ODR4: variants seen among roughly 807,000 people sequenced by gnomAD.
The protein encoded by ODR4 is odr-4 GPCR localization factor homolog, also known as protein odr-4 homolog.
In ODR4, 47 loss-of-function variants were observed where a neutral mutation model predicts 60.2. The observed-to-expected ratio is 0.78, with a 90% CI of 0.62 to 1.00. ODR4 has a LOEUF of 1.00. ODR4 is among the 50% of genes least tolerant of loss of function. ODR4 has a pLI of 0.00. For missense variants in ODR4, 488 were observed against 530.8 expected, an observed-to-expected ratio of 0.92 and a Z score of 0.79; for synonymous variants, 178 against 175.5, an observed-to-expected ratio of 1.01 and a Z score of -0.11.
Position 186,379,847 on chromosome 1 carries a change from A to T in ODR4, c.62A>T (p.Gln21Leu), listed in dbSNP as rs1659958268. The T allele has an allele frequency of 1.9e-6, 3 of 1,609,282 alleles. No individual in the cohort carries two copies. The highest frequency in any genetic ancestry group is 2.5e-6 in the Non-Finnish European group (3 of 1,177,822). The change falls in exon 2 of 14, where the codon CAA becomes CTA. Residue 21 changes from glutamine to leucine, a missense_variant. Gln to Leu is a moderately radical substitution (Grantham distance 113). Coordinates refer to ENST00000287859, the MANE Select transcript of ODR4 (RefSeq NM_017847.6). The stretch of plus-strand genomic sequence containing the variant: ...CAGTATCTTTCAAACATAAATCTCC[A>T]AGGAAAGGCTTTTGTCTCTGGCCTT... ...VGQYLSNINL[Q>L]GKAFVSGLLI...
chr1:186,430,075 T>C, the ODR4 span, among the ~76,000 whole-genome samples: 3 of 152,096 alleles, frequency 2.0e-5, no homozygotes, highest in Non-Finnish European at 4.4e-5. Context: ...AGTTTTGTAT[T>C]GTATGTAGGG....
chr1:186,384,447 TA>T (rs1660167968), intron 3 of ODR4, among the ~76,000 whole-genome samples: 1 of 152,132 alleles, frequency 6.6e-6, no homozygotes, highest in African/African-American at 2.4e-5. Context: ...ACATGGTGTT[TA>T]AGGGGACAAA....
downstream of ODR4, among the ~76,000 whole-genome samples, chr1:186,423,750 C>T (rs1199657538): frequency 2.0e-5 from 3 of 151,890 alleles, no homozygotes; most frequent in South Asian, 4.2e-4. Context: ...CCACTGCACC[C>T]GGCCACCACT....
the ODR4 span, among the ~76,000 whole-genome samples, chr1:186,430,655 T>C: frequency 1.8e-4 from 28 of 152,270 alleles, no homozygotes; most frequent in Admixed American, 7.8e-4. Context: ...AAATATTTTC[T>C]AGTTTTTAAT....
At chr1:186,428,633 C>T in the ODR4 span, among the ~76,000 whole-genome samples, 1,075 of 152,312 alleles carry the variant, frequency 7.1e-3, 4 homozygotes, top group Non-Finnish European at 0.011. Context: ...GCTTTCAGCC[C>T]GTCTTGTCTT....
Position 186,420,682 on chromosome 1 carries a change from C to CT in ODR4, c.*1607dup, listed in dbSNP as rs1661742221. ...CAGCTGAAGAGACAAGTGAACTAAA[C>CT]TATAAGCTGGATCTAAAGAAATTAC... On this transcript the variant is annotated 3_prime_UTR_variant, in exon 14 of 14. Transcript: ENST00000287859. 1 of 151,978 alleles carries CT rather than the reference C, an allele frequency of 6.6e-6. No homozygotes were observed. The highest frequency in any genetic ancestry group is 2.1e-4 in the South Asian group (1 of 4,826). 9.4% of individuals were successfully genotyped at this position (151,978 alleles called of 1,614,324 possible). A position where few individuals can be genotyped will look rare whatever the true frequency, so the allele number is the denominator to read the frequency against.
At chr1:186,377,735 G>A (rs1052544692) in intron 1 of ODR4, among the ~76,000 whole-genome samples, 2 of 152,056 alleles carry the variant, frequency 1.3e-5, no homozygotes, top group Admixed American at 6.6e-5. Context: ...TCTGATTCAC[G>A]TCTATTGTTG....
intron 9 of ODR4, among the ~76,000 whole-genome samples, chr1:186,395,413 A>G (rs930154678): frequency 2.6e-5 from 4 of 152,062 alleles, no homozygotes; most frequent in Admixed American, 2.0e-4. Context: ...ATAATATTAT[A>G]TAGTATAATA....
intron 7 of ODR4, among the ~76,000 whole-genome samples, chr1:186,391,465 A>G (rs1322807543): frequency 2.0e-5 from 3 of 151,838 alleles, no homozygotes; most frequent in African/African-American, 7.2e-5. Flanking sequence ...AGTCTGTGAC[A>G]TAAATGTTAT....
rs1189752791 is a variant in ODR4, at chr1:186,382,249, TAAA to T, written c.100-755_100-753del. 8.8e-5 allele frequency among the ~76,000 whole-genome samples: 7 copies of T among 79,902 alleles called. No homozygotes were observed. The South Asian group carries it at 1.1e-3, about 13-fold the overall frequency. The allele number at this position is 79,902 out of a possible 152,430, so 52.4% of individuals were successfully genotyped here. On this transcript the variant is annotated intron_variant, in intron 2 of 13. Coordinates refer to ENST00000287859, the MANE Select transcript of ODR4 (RefSeq NM_017847.6). ...GCAAGACTCTGTCTCTACAAAAAAG[TAAA>T]AAAAAAAAAAAAAAAAAGCCAGGCA... is the stretch of plus-strand genomic sequence containing the variant.
chr1:186,430,424 G>A, the ODR4 span, among the ~76,000 whole-genome samples: 1 of 151,956 alleles, frequency 6.6e-6, no homozygotes, highest in Non-Finnish European at 1.5e-5. Context: ...TTACAGAATG[G>A]TGAAGAGGAA....
rs575735318 is a variant in ODR4 at position 186,390,937 on chromosome 1, A to G, written c.615+86A>G. 6 of 1,297,010 alleles carry G rather than the reference A, an allele frequency of 4.6e-6. No individual in the cohort carries two copies. In the East Asian group the frequency reaches 7.6e-5, roughly 16 times the overall value. 80.3% of individuals were successfully genotyped at this position (1,297,010 alleles called of 1,614,324 possible). A position where few individuals can be genotyped will look rare whatever the true frequency, so the allele number is the denominator to read the frequency against. ...GCTTACATGTGTCATTCATTTTACA[A>G]TCCTCAAAAATTACATTCTGCTTAC... On this transcript the variant is annotated intron_variant, in intron 7 of 13. Coordinates refer to ENST00000287859, the MANE Select transcript of ODR4 (RefSeq NM_017847.6).
At chr1:186,397,996 C>T (rs140137148) in intron 9 of ODR4, among the ~76,000 whole-genome samples, 3 of 152,110 alleles carry the variant, frequency 2.0e-5, no homozygotes, top group Non-Finnish European at 2.9e-5. Context: ...CATCACAGTA[C>T]TGATGTGAAT....
chr1:186,417,551 G>C lies in ODR4; in HGVS notation c.1194G>C (p.Met398Ile). The change falls in exon 13 of 14, where the codon ATG (methionine) becomes ATC (isoleucine). Residue 398 changes from methionine (M) to isoleucine (I), a missense_variant. Transcript: ENST00000287859. ...ATTATTATACCCTTTCAGCTTGTAT[G>C]AGTTCTTCTATGAATAGTCAAGCTT... is the stretch of plus-strand genomic sequence containing the variant. ...EIAEETNTAC[M>I]SSSMNSQASL... 1 of 1,566,678 alleles carries C rather than the reference G, an allele frequency of 6.4e-7. No homozygotes were observed. Among genetic ancestry groups the C allele is most frequent in the Non-Finnish European group, 8.7e-7 (1 of 1,146,108 alleles).
intron 9 of ODR4, 26 bp downstream of exon 9, chr1:186,394,041 AAT>A (rs1454254702): frequency 8.5e-7 from 1 of 1,175,094 alleles, no homozygotes; most frequent in South Asian, 1.4e-5. Context: ...TAACACTTAA[AAT>A]ATTTATTAGC....
At chr1:186,398,261 C>T (rs1328679495) in intron 9 of ODR4, 52 bp from the exon 10 acceptor site, 3 of 1,462,296 alleles carry the variant, frequency 2.1e-6, no homozygotes, top group Non-Finnish European at 2.7e-6. Flanking sequence ...TAAATATTTC[C>T]TGTAGTTAAT....
At chr1:186,424,651 C>G (rs943556024), downstream of ODR4, among the ~76,000 whole-genome samples, 1 of 151,840 alleles carries the variant, frequency 6.6e-6, no homozygotes, top group African/African-American at 2.4e-5. Flanking sequence ...CTGCAGTTAT[C>G]TAGGGGCTGG....
rs1052490942 is a variant in ODR4 at position 186,419,003 on chromosome 1, T to C, written c.1298-6T>C. On this transcript the variant is annotated splice_polypyrimidine_tract_variant and splice_region_variant and intron_variant, in intron 13 of 13. Transcript: ENST00000287859. ...TTCATTTGTTCTGTGTTTGTTTTACTTTTAGGTGTGATTGCAGCATTTACA... is the reference window on the plus strand; with the variant it reads ...TTCATTTGTTCTGTGTTTGTTTTACCTTTAGGTGTGATTGCAGCATTTACA... 1.6e-5 allele frequency: 25 copies of C among 1,601,834 alleles called. No individual in the cohort carries two copies. Among genetic ancestry groups the C allele is most frequent in the Non-Finnish European group, 1.9e-5 (22 of 1,173,466 alleles).
chr1:186,430,657 G>C, the ODR4 span, among the ~76,000 whole-genome samples: 1 of 151,904 alleles, frequency 6.6e-6, no homozygotes, highest in African/African-American at 2.4e-5. Flanking sequence ...ATATTTTCTA[G>C]TTTTTAATTA....
Sources: gnomAD v4.1 joint callset for allele counts (sites outside exome capture counted in the v4.1 genomes callset) on GRCh38, gnomAD v4.1.1 for gene constraint, MANE v1.5 for transcripts, NCBI Gene and HGNC (gene_info 2026-07-23, HGNC 2026-07-21) for gene names.